GEN1: variants seen among roughly 807,000 people sequenced by gnomAD.
The protein encoded by GEN1 is GEN1 structure-specific endonuclease.
A neutral mutation model predicts 67.6 loss-of-function variants in GEN1; 64 were observed. That is an observed-to-expected ratio of 0.95 (90% CI 0.77 to 1.17). The LOEUF (loss-of-function observed/expected upper bound fraction) is 1.17. GEN1 is among the 50% of genes most tolerant of loss of function. The pLI, the probability that GEN1 is intolerant of heterozygous loss-of-function variation, is 0.00. For missense variants in GEN1, 1,058 were observed against 1,048.3 expected (o/e 1.01, Z -0.13); for synonymous variants, 371 against 359.4 (o/e 1.03, Z -0.37).
intron 2 of GEN1, 147 bp from the exon 3 acceptor site, chr2:17,761,249 G>A: frequency 1.7e-6 from 1 of 572,394 alleles, no homozygotes; most frequent in Non-Finnish European, 3.1e-6. Flanking sequence ...AAATTCAGTG[G>A]TTTTCCACTC....
intron 1 of GEN1, among the ~76,000 whole-genome samples, chr2:17,759,589 T>G (rs988372356): frequency 6.6e-6 from 1 of 152,074 alleles, no homozygotes; most frequent in South Asian, 2.1e-4. Flanking sequence ...TCCTTGCTTT[T>G]CTTTTTTTTT....
At chr2:17,779,372 T>C (rs1166468361) in intron 12 of GEN1, among the ~76,000 whole-genome samples, 2 of 152,246 alleles carry the variant, frequency 1.3e-5, no homozygotes, top group Non-Finnish European at 2.9e-5. Flanking sequence ...CAACCTTACC[T>C]AAACAAAGTT....
chr2:17,781,339 T>C lies in GEN1; in HGVS notation c.2127T>C (p.Ala709=), dbSNP rs755974502. The change falls in exon 14 of 14, where the codon GCT becomes GCC. Residue 709 remains alanine (A), a synonymous_variant. Transcript: ENST00000381254. Reference sequence around the variant, plus strand: ...TTAGTGTAAAAGAATCTTGTATTGCTAACAGTGGTTCTGATTGTACATCAC... The same window carrying C: ...TTAGTGTAAAAGAATCTTGTATTGCCAACAGTGGTTCTGATTGTACATCAC... ...SILSVKESCI[A]NSGSDCTSHL... 2.1e-5 allele frequency: 34 copies of C among 1,613,862 alleles called. No homozygotes were observed. The highest frequency in any genetic ancestry group is 1.6e-4 in the South Asian group (15 of 91,082).
intron 1 of GEN1, among the ~76,000 whole-genome samples, chr2:17,757,246 C>CT (rs74754657): frequency 2.3e-3 from 288 of 127,672 alleles, no homozygotes; most frequent in Non-Finnish European, 3.0e-3. Context: ...CAGTGCTGGA[C>CT]TTTTTTTTTT....
At position 17,783,219 on chromosome 2, in the gene GEN1, G is replaced by C. The variant is rs575991417; in HGVS notation, c.*1280G>C. ...ATTACAGGTGTGTGCCACCATGCCT[G>C]GCTAATTTTTAGTATTTTTAGTAGA... is the stretch of plus-strand genomic sequence containing the variant. On this transcript the variant is annotated 3_prime_UTR_variant, in exon 14 of 14. Transcript: ENST00000381254. 9 of 152,120 alleles carry C rather than the reference G, an allele frequency of 5.9e-5. No homozygotes were observed. The highest frequency in any genetic ancestry group is 1.2e-4 in the Non-Finnish European group (8 of 68,136). 9.4% of individuals were successfully genotyped at this position (152,120 alleles called of 1,614,324 possible).
In GEN1 at chr2:17,778,283, C is replaced by CACACACGTGTGTGTACATATATGTATAT. The variant is rs1672591649; in HGVS notation, c.1264+226_1264+227insGTGTGTGTACATATATGTATATACACAC. Among the ~76,000 whole-genome samples, 2 of 114,406 alleles carry CACACACGTGTGTGTACATATATGTATAT rather than the reference C, an allele frequency of 1.7e-5. 1 individual carries two copies. Among genetic ancestry groups the CACACACGTGTGTGTACATATATGTATAT allele is most frequent in the African/African-American group, 9.1e-5 (2 of 21,992 alleles). 75.1% of individuals were successfully genotyped at this position (114,406 alleles called of 152,430 possible). On this transcript the variant is annotated intron_variant, in intron 12 of 13. Transcript: ENST00000381254. ...ATATGTGTGTACATATATGTATATA[C>CACACACGTGTGTGTACATATATGTATAT]ACACACATGTGTGTGTACATATATG...
At chr2:17,777,192 CAG>C (rs1323061827) in intron 11 of GEN1, among the ~76,000 whole-genome samples, 1 of 151,774 alleles carries the variant, frequency 6.6e-6, no homozygotes, top group Non-Finnish European at 1.5e-5. Context: ...AAAATGAACA[CAG>C]AGGGAAGATG....
In GEN1 at chr2:17,788,199, A is replaced by G. The variant is rs1673118313; in HGVS notation, c.*6260A>G. ...GTATTACTGAAGGCAGCCTCCTTTC[A>G]TCTATATATTAACGTGGCAATGTTT... On this transcript the variant is annotated 3_prime_UTR_variant, in exon 14 of 14. Transcript: ENST00000381254. The G allele has an allele frequency of 6.6e-6, 1 of 152,222 alleles. No homozygotes were observed. 9.4% of individuals were successfully genotyped at this position (152,222 alleles called of 1,614,324 possible). A position where few individuals can be genotyped will look rare whatever the true frequency, so the allele number is the denominator to read the frequency against.
In GEN1 at chr2:17,785,940, A is replaced by G. The variant is rs529469947; in HGVS notation, c.*4001A>G. On this transcript the variant is annotated 3_prime_UTR_variant, in exon 14 of 14. Transcript: ENST00000381254. Reference sequence around the variant, plus strand: ...AAAAAATATACAATCTCCGTCTTCTAGATTTTATAATGAGGACTCTACTTT... The same window carrying G: ...AAAAAATATACAATCTCCGTCTTCTGGATTTTATAATGAGGACTCTACTTT... The G allele has an allele frequency of 6.6e-5, 10 of 152,330 alleles. No homozygotes were observed. The highest frequency in any genetic ancestry group is 2.4e-4 in the African/African-American group (10 of 41,580). 9.4% of individuals were successfully genotyped at this position (152,330 alleles called of 1,614,324 possible). A position where few individuals can be genotyped will look rare whatever the true frequency, so the allele number is the denominator to read the frequency against.
At chr2:17,775,365 T>A (rs1672379317) in intron 11 of GEN1, among the ~76,000 whole-genome samples, 1 of 152,182 alleles carries the variant, frequency 6.6e-6, no homozygotes, top group Admixed American at 6.5e-5. Context: ...TCTCAAAGAC[T>A]CTCATATAAA....
chr2:17,780,132 G>A lies in GEN1; in HGVS notation c.1408+11G>A. The stretch of plus-strand genomic sequence containing the variant: ...GGAAGAAACAAAAACGTAAGTTTTG[G>A]GTTTGATAGCTATTTATGCCACATG... On this transcript the variant is annotated intron_variant, in intron 13 of 13. Coordinates refer to ENST00000381254, the MANE Select transcript of GEN1 (RefSeq NM_001130009.3). 6.2e-7 allele frequency: 1 copy of A among 1,605,876 alleles called. No homozygotes were observed. The highest frequency in any genetic ancestry group is 8.5e-7 in the Non-Finnish European group (1 of 1,176,298).
chr2:17,779,885 G>C (rs1194070061), intron 12 of GEN1, 93 bp from the exon 13 acceptor site: 1 of 1,017,676 alleles, frequency 9.8e-7, no homozygotes, highest in Non-Finnish European at 1.4e-6. Context: ...CTCCCAAAAT[G>C]CTGGGATTAC....
rs55932843 is a variant in GEN1 at position 17,787,781 on chromosome 2, G to A, written c.*5842G>A. ...TCTACAAAAAATACAAAAATTAGCCGGGTGTGGTGATGGGTACCTGTAATC... is the reference window on the plus strand; with the variant it reads ...TCTACAAAAAATACAAAAATTAGCCAGGTGTGGTGATGGGTACCTGTAATC... On this transcript the variant is annotated 3_prime_UTR_variant, in exon 14 of 14. Coordinates refer to ENST00000381254, the MANE Select transcript of GEN1 (RefSeq NM_001130009.3). 5,589 of 152,272 alleles carry A rather than the reference G, an allele frequency of 0.037. 305 individuals carry two copies. The highest frequency in any genetic ancestry group is 0.11 in the African/African-American group (4,745 of 41,500). The allele number at this position is 152,272 out of a possible 1,614,324, so 9.4% of individuals were successfully genotyped here. A position where few individuals can be genotyped will look rare whatever the true frequency, so the allele number is the denominator to read the frequency against.
rs74560401 is a variant in GEN1, at chr2:17,773,673, G to A, written c.1071+374G>A. Among the ~76,000 whole-genome samples, 178 of 152,152 alleles carry A rather than the reference G, an allele frequency of 1.2e-3. 1 individual carries two copies. In the East Asian group the frequency reaches 0.025, roughly 21 times the overall value. ...AATGACCTAAATTTAAATTTGGACC[G>A]TATTCCACCTACTGTGTGACCCTGG... On this transcript the variant is annotated intron_variant, in intron 10 of 13. Coordinates refer to ENST00000381254, the MANE Select transcript of GEN1 (RefSeq NM_001130009.3).
intron 7 of GEN1, among the ~76,000 whole-genome samples, chr2:17,772,321 TA>T (rs1572407057): frequency 6.6e-6 from 1 of 152,214 alleles, no homozygotes; most frequent in East Asian, 1.9e-4. Flanking sequence ...AGCTTCCACC[TA>T]AACCAGAAAG....
intron 6 of GEN1, 29 bp downstream of exon 6, chr2:17,768,840 A>G: frequency 3.8e-6 from 5 of 1,332,630 alleles, no homozygotes; most frequent in East Asian, 2.3e-5. Flanking sequence ...CTCTTGTGAC[A>G]TTGAACCTTT....
rs1346731756 is a variant in GEN1 at position 17,759,918 on chromosome 2, T to G, written c.-15-11T>G. The G allele has an allele frequency of 1.2e-6, 2 of 1,610,616 alleles. No homozygotes were observed. The highest frequency in any genetic ancestry group is 2.7e-5 in the African/African-American group (2 of 74,794). ...TTAACAATATTTTGTAAAGTGTGTT[T>G]CACATAACAGCAGATAATCACCAGA... On this transcript the variant is annotated splice_polypyrimidine_tract_variant and intron_variant, in intron 1 of 13. Transcript: ENST00000381254.
rs1222924183 is a variant in GEN1, at chr2:17,778,378, ATATATG to A, written c.1264+317_1264+322del. Among the ~76,000 whole-genome samples the A allele has an allele frequency of 4.5e-4, 9 of 20,026 alleles. 1 individual carries two copies. Among genetic ancestry groups the A allele is most frequent in the African/African-American group, 1.2e-3 (8 of 6,732 alleles). 13.1% of individuals were successfully genotyped at this position (20,026 alleles called of 152,430 possible). A position where few individuals can be genotyped will look rare whatever the true frequency, so the allele number is the denominator to read the frequency against. On this transcript the variant is annotated intron_variant, in intron 12 of 13. Transcript: ENST00000381254. ...TGTACATATATGTATATACACACAC[ATATATG>A]TGTGTACATATATGTATATACACAC...
intron 1 of GEN1, among the ~76,000 whole-genome samples, chr2:17,757,560 A>G (rs1671490434): frequency 1.3e-5 from 2 of 152,182 alleles, no homozygotes; most frequent in African/African-American, 4.8e-5. Context: ...GAAACAGGGT[A>G]GGAATGTTGA....
Sources: gnomAD v4.1 joint callset for allele counts (sites outside exome capture counted in the v4.1 genomes callset) on GRCh38, gnomAD v4.1.1 for gene constraint, MANE v1.5 for transcripts, NCBI Gene and HGNC (gene_info 2026-07-23, HGNC 2026-07-21) for gene names.